FRMD4A: variants seen among roughly 807,000 people sequenced by gnomAD.
FRMD4A encodes FERM domain containing 4A, also known as FERM domain-containing protein 4A.
Under a neutral mutation model 129.1 loss-of-function variants are expected in FRMD4A, and 29 were observed. The ratio of observed to expected loss-of-function variants is 0.22; its 90% CI spans 0.17 to 0.31. The LOEUF (loss-of-function observed/expected upper bound fraction) is 0.31, where lower values mean the gene tolerates loss of function less well. FRMD4A is among the 10% of genes least tolerant of loss of function. FRMD4A has a pLI of 1.00. For synonymous variants in FRMD4A, 634 were observed against 571.6 expected, an observed-to-expected ratio of 1.11 and a Z score of -1.56; for missense variants, 1,272 against 1,375.8, an observed-to-expected ratio of 0.92 and a Z score of 1.19.
At chr10:13,749,737 C>G (rs1013870436) in intron 8 of FRMD4A, among the ~76,000 whole-genome samples, 1 of 151,952 alleles carries the variant, frequency 6.6e-6, no homozygotes, top group African/African-American at 2.4e-5. Flanking sequence ...GCCTATAATC[C>G]CAGCATCTGG....
rs75455432 is a variant in FRMD4A at position 14,288,430 on chromosome 10, T to C, written c.45+41628A>G. ...TATGTGCAACTGTACACTGGGAATT[T>C]AGACTTACCACGGTCTAAAGAAGCC... is the stretch of plus-strand genomic sequence containing the variant. On this transcript the variant is annotated intron_variant, in intron 2 of 24. Coordinates refer to ENST00000357447, the MANE Select transcript of FRMD4A (RefSeq NM_018027.5). Among the ~76,000 whole-genome samples the C allele has an allele frequency of 4.0e-3, 602 of 152,298 alleles. 20 individuals carry two copies. In the East Asian group the frequency reaches 0.096, roughly 24 times the overall value.
chr10:13,881,753 T>C (rs1427951120), intron 2 of FRMD4A, among the ~76,000 whole-genome samples: 1 of 151,874 alleles, frequency 6.6e-6, no homozygotes, highest in Non-Finnish European at 1.5e-5. Flanking sequence ...GAACAGGTCG[T>C]CACTGTCCAT....
chr10:13,696,827 C>A (rs989828023), intron 14 of FRMD4A, among the ~76,000 whole-genome samples: 1 of 152,152 alleles, frequency 6.6e-6, no homozygotes, highest in Non-Finnish European at 1.5e-5. Context: ...CTTCCTGATT[C>A]TCAGATACAT....
At chr10:14,278,621 C>T (rs908572689) in intron 2 of FRMD4A, among the ~76,000 whole-genome samples, 1 of 152,108 alleles carries the variant, frequency 6.6e-6, no homozygotes, top group East Asian at 1.9e-4. Context: ...CCCAAAGAAG[C>T]GGCACGTGTT....
Position 13,659,431 on chromosome 10 carries a change from G to C in FRMD4A, c.1958C>G (p.Ser653Cys). The C allele has an allele frequency of 1.2e-6, 2 of 1,613,968 alleles. No homozygotes were observed. The highest frequency in any genetic ancestry group is 1.7e-6 in the Non-Finnish European group (2 of 1,179,970). ...GCCGCGGATGGGGCTGTTCTGCAAG[G>C]AGTTGCTTCCTCCGCCGGCTTCCGC... The part of the protein sequence containing the change: ...SCAEAGGGSN[S>C]LQNSPIRGLP... The change falls in exon 21 of 25, where the codon TCC becomes TGC. Residue 653 changes from serine (S) to cysteine (C), a missense_variant. Coordinates refer to ENST00000357447, the MANE Select transcript of FRMD4A (RefSeq NM_018027.5).
chr10:14,180,281 G>A (rs1841869963), intron 2 of FRMD4A, among the ~76,000 whole-genome samples: 2 of 152,216 alleles, frequency 1.3e-5, no homozygotes, highest in East Asian at 3.8e-4. Flanking sequence ...ACCTGAGATT[G>A]AGAGCATTAA....
chr10:13,787,199 T>G (rs1053579513), intron 5 of FRMD4A, among the ~76,000 whole-genome samples: 8 of 152,196 alleles, frequency 5.3e-5, no homozygotes, highest in African/African-American at 1.9e-4. Flanking sequence ...TTAACTTTTA[T>G]CACCAAGACG....
At chr10:13,891,806 A>C in intron 2 of FRMD4A, 8 of 900,402 alleles carry the variant, frequency 8.9e-6, no homozygotes, top group Non-Finnish European at 1.1e-5. Flanking sequence ...CCTCGGCGTC[A>C]GCCCATAGCC....
At chr10:13,701,962 T>G (rs1385901699) in intron 13 of FRMD4A, among the ~76,000 whole-genome samples, 1 of 152,168 alleles carries the variant, frequency 6.6e-6, no homozygotes, top group Non-Finnish European at 1.5e-5. Context: ...CCTTGAAGAT[T>G]TGGTGATCAA....
intron 2 of FRMD4A, among the ~76,000 whole-genome samples, chr10:13,966,070 T>C (rs2095483479): frequency 6.6e-6 from 1 of 152,126 alleles, no homozygotes; most frequent in Non-Finnish European, 1.5e-5. Flanking sequence ...AGTGCAGTGG[T>C]GCCATCTTGG....
At chr10:14,233,017 T>C (rs1843688077) in intron 2 of FRMD4A, among the ~76,000 whole-genome samples, 1 of 152,228 alleles carries the variant, frequency 6.6e-6, no homozygotes, top group African/African-American at 2.4e-5. Flanking sequence ...GAGACAGGTA[T>C]TTCAACCCAG....
chr10:13,902,456 GGAGAGAGAGAGA>G lies in FRMD4A; in HGVS notation c.46-43556_46-43545del, dbSNP rs140040052. On this transcript the variant is annotated intron_variant, in intron 2 of 24. Coordinates refer to ENST00000357447, the MANE Select transcript of FRMD4A (RefSeq NM_018027.5). ...GAAATTGATGGTTAGGCAAAATACT[GGAGAGAGAGAGA>G]GAGAGAGAGAGAGAGAGAGAGAGTG... 8.4e-3 allele frequency among the ~76,000 whole-genome samples: 1,072 copies of G among 127,778 alleles called. 12 individuals are homozygous for G. Among genetic ancestry groups the G allele is most frequent in the African/African-American group, 0.031 (1,018 of 32,700 alleles). The allele number at this position is 127,778 out of a possible 152,430, so 83.8% of individuals were successfully genotyped here.
At chr10:14,091,355 G>A (rs1202473350) in intron 2 of FRMD4A, among the ~76,000 whole-genome samples, 2 of 151,920 alleles carry the variant, frequency 1.3e-5, no homozygotes, top group East Asian at 1.9e-4. Context: ...GGAAAAAATT[G>A]CGCTGTGTGT....
intron 2 of FRMD4A, among the ~76,000 whole-genome samples, chr10:13,914,883 G>A (rs966145397): frequency 2.0e-5 from 3 of 152,112 alleles, no homozygotes; most frequent in African/African-American, 4.8e-5. Flanking sequence ...GCATGGCAGC[G>A]TGTGCCTGTA....
At chr10:13,907,404 G>A (rs917971330) in intron 2 of FRMD4A, among the ~76,000 whole-genome samples, 1 of 152,122 alleles carries the variant, frequency 6.6e-6, no homozygotes, top group Non-Finnish European at 1.5e-5. Context: ...CAGAAATCGA[G>A]GCTCAGGAAC....
intron 6 of FRMD4A, among the ~76,000 whole-genome samples, chr10:13,766,050 T>C (rs1205773030): frequency 6.6e-6 from 1 of 152,266 alleles, no homozygotes; most frequent in African/African-American, 2.4e-5. Context: ...ACATAGCTTT[T>C]AGTTTGCTAT....
chr10:13,861,581 C>G (rs781616803), intron 2 of FRMD4A, among the ~76,000 whole-genome samples: 33 of 152,172 alleles, frequency 2.2e-4, no homozygotes, highest in Admixed American at 1.4e-3. Context: ...AGATTAAACA[C>G]AGAGGAAAAA....
intron 2 of FRMD4A, among the ~76,000 whole-genome samples, chr10:14,103,198 T>C (rs939146915): frequency 5.3e-5 from 8 of 152,168 alleles, no homozygotes; most frequent in Non-Finnish European, 7.3e-5. Context: ...TGCTTCATTC[T>C]CTTCTCCATG....
intron 3 of FRMD4A, among the ~76,000 whole-genome samples, chr10:13,855,691 T>G (rs890015456): frequency 6.6e-6 from 1 of 152,188 alleles, no homozygotes; most frequent in African/African-American, 2.4e-5. Flanking sequence ...AAAGTATAAA[T>G]GAACCTGAAG....
Sources: allele counts gnomAD v4.1 joint callset (sites outside exome capture counted in the v4.1 genomes callset), GRCh38; gene constraint gnomAD v4.1.1; transcripts MANE v1.5; gene names NCBI Gene and HGNC (gene_info 2026-07-23, HGNC 2026-07-21).